Variants in TAMM41 observed in about 807,000 individuals in gnomAD.
The protein encoded by TAMM41 is phosphatidate cytidylyltransferase, mitochondrial.
A neutral mutation model predicts 44.1 loss-of-function variants in TAMM41; 36 were observed. The observed-to-expected ratio is 0.82, with a 90% CI of 0.63 to 1.08. The LOEUF is 1.08. TAMM41 is among the 50% of genes least tolerant of loss of function. TAMM41 has a pLI of 0.00. For synonymous variants in TAMM41, 164 were observed against 153.1 expected, an observed-to-expected ratio of 1.07 and a Z score of -0.53; for missense variants, 417 against 404.3, an observed-to-expected ratio of 1.03 and a Z score of -0.27.
chr3:11,780,677 G>A, the TAMM41 span, among the ~76,000 whole-genome samples: 1 of 152,130 alleles, frequency 6.6e-6, no homozygotes, highest in Non-Finnish European at 1.5e-5. Context: ...CACTGTAATG[G>A]CTCAACCAGT....
chr3:11,764,782 G>A, the TAMM41 span, among the ~76,000 whole-genome samples: 1 of 151,982 alleles, frequency 6.6e-6, no homozygotes, highest in African/African-American at 2.4e-5. Flanking sequence ...TTGAGCCACT[G>A]CACCCGGCCC....
chr3:11,795,305 C>A (rs2077578041), intron 7 of TAMM41, among the ~76,000 whole-genome samples: 1 of 152,172 alleles, frequency 6.6e-6, no homozygotes, highest in Non-Finnish European at 1.5e-5. Context: ...CCTCGCCCAA[C>A]CTCCCCCTCT....
At chr3:11,738,561 GA>G in the TAMM41 span, among the ~76,000 whole-genome samples, 1 of 152,128 alleles carries the variant, frequency 6.6e-6, no homozygotes, top group South Asian at 2.1e-4. Context: ...TGGCCCTTAG[GA>G]GTACCCACCG....
the TAMM41 span, among the ~76,000 whole-genome samples, chr3:11,783,756 C>T: frequency 4.6e-5 from 7 of 152,234 alleles, no homozygotes; most frequent in African/African-American, 1.7e-4. Flanking sequence ...CCCATGATGA[C>T]TGAGCAGTGG....
At chr3:11,725,899 T>C in the TAMM41 span, among the ~76,000 whole-genome samples, 3 of 152,142 alleles carry the variant, frequency 2.0e-5, no homozygotes, top group Non-Finnish European at 4.4e-5. Context: ...CCACAACCAA[T>C]GACACGTGTG....
intron 4 of TAMM41, among the ~76,000 whole-genome samples, chr3:11,820,456 C>T (rs2078469785): frequency 6.6e-6 from 1 of 152,124 alleles, no homozygotes; most frequent in African/African-American, 2.4e-5. Context: ...ATTAAAGGAC[C>T]TAGAAAACAC....
intron 3 of TAMM41, among the ~76,000 whole-genome samples, chr3:11,831,218 T>C (rs1471628966): frequency 6.6e-6 from 1 of 152,186 alleles, no homozygotes. Flanking sequence ...AAATGTGTAT[T>C]ATCGGATGCA....
At chr3:11,844,892 G>T (rs1186607438) in intron 1 of TAMM41, 3 of 456,388 alleles carry the variant, frequency 6.6e-6, no homozygotes. Flanking sequence ...TGTACTAACT[G>T]CACTCAGCAT....
At chr3:11,776,736 C>G in the TAMM41 span, among the ~76,000 whole-genome samples, 1 of 152,214 alleles carries the variant, frequency 6.6e-6, no homozygotes, top group Non-Finnish European at 1.5e-5. Flanking sequence ...CCATCCAGGA[C>G]TTAACGCTCT....
chr3:11,809,097 T>G (rs1222576140), intron 6 of TAMM41: 3 of 244,750 alleles, frequency 1.2e-5, no homozygotes, highest in African/African-American at 4.8e-5. Flanking sequence ...TCTGAGGGAA[T>G]GTACTCAACA....
At chr3:11,772,755 G>T in the TAMM41 span, among the ~76,000 whole-genome samples, 1 of 152,102 alleles carries the variant, frequency 6.6e-6, no homozygotes, top group African/African-American at 2.4e-5. Flanking sequence ...GTTTTTCATA[G>T]AGTTGTCCTC....
the TAMM41 span, among the ~76,000 whole-genome samples, chr3:11,735,248 C>G: frequency 6.6e-5 from 10 of 151,946 alleles, no homozygotes; most frequent in Admixed American, 6.6e-4. Flanking sequence ...GTCCCAGCTA[C>G]TCTGGAGGCT....
the TAMM41 span, among the ~76,000 whole-genome samples, chr3:11,732,782 CAA>C: frequency 7.2e-5 from 11 of 152,020 alleles, 1 homozygote; most frequent in South Asian, 2.3e-3. Context: ...ATAGCAAGCA[CAA>C]AGACTCTGGG....
chr3:11,843,222 C>T (rs911095893), intron 2 of TAMM41, among the ~76,000 whole-genome samples: 8 of 152,210 alleles, frequency 5.3e-5, no homozygotes, highest in African/African-American at 1.9e-4. Context: ...CAAAATTGGC[C>T]TGCCTATTCC....
Position 11,793,678 on chromosome 3 carries a change from A to G in TAMM41, c.938-3097T>C, listed in dbSNP as rs138670425. 2.3e-3 allele frequency among the ~76,000 whole-genome samples: 353 copies of G among 152,348 alleles called. 2 individuals are homozygous for G. Among genetic ancestry groups the G allele is most frequent in the African/African-American group, 8.2e-3 (343 of 41,588 alleles). On this transcript the variant is annotated intron_variant, in intron 7 of 7. Coordinates refer to ENST00000455809, the MANE Select transcript of TAMM41 (RefSeq NM_001284401.2). ...CAGAAATGAACCACTGCTACTCCCA[A>G]CACGATGAATCTCCCTATGTTATAA...
At chr3:11,779,386 AACTC>A in the TAMM41 span, among the ~76,000 whole-genome samples, 2 of 152,092 alleles carry the variant, frequency 1.3e-5, no homozygotes, top group African/African-American at 2.4e-5. Context: ...TATGAGTGAG[AACTC>A]ACTCACTCCA....
chr3:11,802,775 G>C (rs1179097147), intron 7 of TAMM41, among the ~76,000 whole-genome samples: 1 of 152,188 alleles, frequency 6.6e-6, no homozygotes, highest in Non-Finnish European at 1.5e-5. Flanking sequence ...CAATATCCCT[G>C]ATGAACACAG....
At position 11,844,214 on chromosome 3, in the gene TAMM41, G is replaced by A. The variant is rs954472913; in HGVS notation, c.136-3C>T. ...AACACAAAGTCCAGCATAGCATTCT[G>A]TGGAGTGAAGAAAAGAGAATAATTT... On this transcript the variant is annotated splice_polypyrimidine_tract_variant and splice_region_variant and intron_variant, in intron 1 of 7. Transcript: ENST00000455809. 5 of 1,611,256 alleles carry A rather than the reference G, an allele frequency of 3.1e-6. No homozygotes were observed. The highest frequency in any genetic ancestry group is 3.4e-6 in the Non-Finnish European group (4 of 1,178,860).
At chr3:11,746,365 G>C in the TAMM41 span, among the ~76,000 whole-genome samples, 11 of 151,852 alleles carry the variant, frequency 7.2e-5, no homozygotes, top group East Asian at 2.1e-3. Flanking sequence ...TGTACAGTGA[G>C]CTGTTTACCC....
Sources: gnomAD v4.1 joint callset for allele counts (sites outside exome capture counted in the v4.1 genomes callset) on GRCh38, gnomAD v4.1.1 for gene constraint, MANE v1.5 for transcripts, NCBI Gene and HGNC (gene_info 2026-07-23, HGNC 2026-07-21) for gene names.